The following HECTD4 variants were observed in gnomAD, a reference collection of about 807,000 sequenced individuals.
The protein encoded by HECTD4 is probable E3 ubiquitin-protein ligase HECTD4.
In HECTD4, 114 loss-of-function variants were observed where a neutral mutation model predicts 471.5. The ratio of observed to expected loss-of-function variants is 0.24; its 90% CI spans 0.21 to 0.28. HECTD4 has a LOEUF of 0.28. Among genes scored for constraint, HECTD4 ranks in the 10% least tolerant of loss-of-function variants. The pLI, the probability that HECTD4 is intolerant of heterozygous loss-of-function variation, is 1.00. For missense variants in HECTD4, 3,866 were observed against 5,651.5 expected (o/e 0.68, Z 10.13); for synonymous variants, 2,012 against 2,256.0 (o/e 0.89, Z 3.07).
intron 37 of HECTD4, 109 bp downstream of exon 37, chr12:112,234,968 G>T (rs529118372): frequency 6.7e-6 from 6 of 899,516 alleles, no homozygotes; most frequent in East Asian, 2.7e-5. Flanking sequence ...CCTGAAAGGG[G>T]TGTAAAGAGG....
Position 112,250,372 on chromosome 12 carries a change from T to G in HECTD4, c.3722A>C (p.Gln1241Pro). The change falls in exon 25 of 76, where the codon CAG (glutamine) becomes CCG (proline). Residue 1241 changes from glutamine to proline, a missense_variant. By Grantham distance (76) the Gln-to-Pro change is moderately conservative (BLOSUM62 -1). Transcript: ENST00000682272. ...LLRSKLLQRCQWQVEANGVIS... is the reference protein window; with the variant it reads ...LLRSKLLQRCPWQVEANGVIS... ...CACGCCATTGGCCTCCACCTGCCACTGGCACCTGAGCAGACAGAAAAGAGG... is the reference window on the plus strand; with the variant it reads ...CACGCCATTGGCCTCCACCTGCCACGGGCACCTGAGCAGACAGAAAAGAGG... 6.2e-7 allele frequency: 1 copy of G among 1,612,806 alleles called. No individual in the cohort carries two copies. Among genetic ancestry groups the G allele is most frequent in the Non-Finnish European group, 8.5e-7 (1 of 1,178,818 alleles).
intron 16 of HECTD4, among the ~76,000 whole-genome samples, chr12:112,264,592 A>G (rs1288582908): frequency 6.6e-6 from 1 of 152,208 alleles, no homozygotes; most frequent in Non-Finnish European, 1.5e-5. Context: ...ATGTAAAATT[A>G]AAAATTAATA....
chr12:112,211,887 A>G (rs2032773013), intron 49 of HECTD4, among the ~76,000 whole-genome samples: 1 of 152,194 alleles, frequency 6.6e-6, no homozygotes. Flanking sequence ...TGACATGCCA[A>G]TAAGGCATCT....
rs994247832 is a variant in HECTD4, at chr12:112,213,439, C to T, written c.7466-789G>A. ...CAGTGGCTCAAGCCTGTAATCCCAG[C>T]ACTTTGGGAGGCCGAGGTGGGTGGA... On this transcript the variant is annotated intron_variant, in intron 48 of 75. Coordinates refer to ENST00000682272, the MANE Select transcript of HECTD4 (RefSeq NM_001388303.1). The surrounding 1 kb of genome is among the most constrained non-coding windows in gnomAD (Gnocchi z 4.0). Among the ~76,000 whole-genome samples the T allele has an allele frequency of 4.6e-5, 7 of 151,876 alleles. No homozygotes were observed. The highest frequency in any genetic ancestry group is 6.6e-5 in the Admixed American group (1 of 15,230).
At chr12:112,345,339 C>T (rs574830485) in intron 1 of HECTD4, among the ~76,000 whole-genome samples, 5 of 151,378 alleles carry the variant, frequency 3.3e-5, no homozygotes, top group East Asian at 3.9e-4. Flanking sequence ...GACAATGAAA[C>T]GATATGAAAA....
rs1315231866 is a variant in HECTD4 at position 112,213,922 on chromosome 12, T to G, written c.7466-1272A>C. Among the ~76,000 whole-genome samples the G allele has an allele frequency of 6.6e-6, 1 of 151,430 alleles. No individual in the cohort carries two copies. The highest frequency in any genetic ancestry group is 2.1e-4 in the South Asian group (1 of 4,794). ...CTATGGTCCCAGTTACTCAGGAGGC[T>G]GAGATGGGAGGGTCACTTGAGCTCA... is the stretch of plus-strand genomic sequence containing the variant. On this transcript the variant is annotated intron_variant, in intron 48 of 75. Coordinates refer to ENST00000682272, the MANE Select transcript of HECTD4 (RefSeq NM_001388303.1). This position sits in a 1 kb window ranked among gnomAD's most constrained non-coding sequence, Gnocchi z 4.0.
chr12:112,298,659 G>T (rs1476897401), intron 7 of HECTD4, among the ~76,000 whole-genome samples: 2 of 151,540 alleles, frequency 1.3e-5, no homozygotes, highest in Admixed American at 1.3e-4. Flanking sequence ...AAGCCCGGTG[G>T]ATCACCTGAG....
intron 50 of HECTD4, among the ~76,000 whole-genome samples, chr12:112,209,328 T>G (rs2032690812): frequency 7.4e-6 from 1 of 135,910 alleles, no homozygotes; most frequent in African/African-American, 2.9e-5. Context: ...ATCATAAAAG[T>G]TTTTTTTTTT....
chr12:112,293,138 G>C (rs2034928236), intron 7 of HECTD4, among the ~76,000 whole-genome samples: 1 of 151,862 alleles, frequency 6.6e-6, no homozygotes, highest in Non-Finnish European at 1.5e-5. Context: ...GGCCGAGGCG[G>C]GTGGATCACT....
intron 29 of HECTD4, among the ~76,000 whole-genome samples, chr12:112,244,777 C>T (rs918910001): frequency 6.6e-6 from 1 of 152,098 alleles, no homozygotes; most frequent in Non-Finnish European, 1.5e-5. Flanking sequence ...TTTAATGATA[C>T]CTCTGCTTTG....
In HECTD4 at chr12:112,230,750, T is replaced by C; in HGVS notation, c.6273A>G (p.Leu2091=). The C allele has an allele frequency of 6.2e-7, 1 of 1,611,126 alleles. No individual in the cohort carries two copies. The highest frequency in any genetic ancestry group is 8.5e-7 in the Non-Finnish European group (1 of 1,178,676). Residue 2091 remains leucine, a synonymous_variant, in exon 40 of 76, where the codon CTA becomes CTG. Coordinates refer to ENST00000682272, the MANE Select transcript of HECTD4 (RefSeq NM_001388303.1). ...ATTCAGGTGCCATGAGCAAGCTATG[T>C]AGCAAGGCGATCACTTCTGCAGCCA... ...NSMAAEVIAL[L]HSLLMAPESN...
At chr12:112,246,781 T>G (rs2033772823) in intron 29 of HECTD4, 120 bp downstream of exon 29, 1 of 827,708 alleles carries the variant, frequency 1.2e-6, no homozygotes, top group African/African-American at 1.8e-5. Flanking sequence ...TCCTTTTGTT[T>G]TCCTTTCTCA....
chr12:112,218,047 ACTCAGGAGG>A (rs2032976468), intron 45 of HECTD4, among the ~76,000 whole-genome samples: 1 of 151,752 alleles, frequency 6.6e-6, no homozygotes, highest in South Asian at 2.1e-4. Flanking sequence ...AATCCCAGCT[ACTCAGGAGG>A]CTGAGGTAGG....
At chr12:112,208,676 AG>A in intron 50 of HECTD4, 46 bp from the exon 51 acceptor site, 1 of 1,494,396 alleles carries the variant, frequency 6.7e-7, no homozygotes, top group East Asian at 2.4e-5. Context: ...AGAGCAGGCT[AG>A]AAAAATCCTT....
chr12:112,295,478 A>AG, intron 7 of HECTD4, among the ~76,000 whole-genome samples: 1 of 149,186 alleles, frequency 6.7e-6, no homozygotes, highest in Admixed American at 6.7e-5. Flanking sequence ...TGATCCTTCT[A>AG]CCTCAGCAAC....
At position 112,167,544 on chromosome 12, in the gene HECTD4, A is replaced by G; in HGVS notation, c.12313-6T>C. On this transcript the variant is annotated splice_region_variant and splice_polypyrimidine_tract_variant and intron_variant, in intron 71 of 75. Transcript: ENST00000682272. The stretch of plus-strand genomic sequence containing the variant: ...GGGGTCAGGATATACTTGCCCTGGA[A>G]GTGGAGGTGGGCATGAGGTGACCTG... 1 of 1,568,118 alleles carries G rather than the reference A, an allele frequency of 6.4e-7. No individual in the cohort carries two copies. The highest frequency in any genetic ancestry group is 8.7e-7 in the Non-Finnish European group (1 of 1,154,442).
chr12:112,236,679 G>C (rs1191100693), intron 35 of HECTD4, among the ~76,000 whole-genome samples: 1 of 152,276 alleles, frequency 6.6e-6, no homozygotes, highest in East Asian at 1.9e-4. Context: ...CTATGGGAAA[G>C]GTTAGCAGCT....
chr12:112,313,992 T>C (rs2035424071), intron 3 of HECTD4, among the ~76,000 whole-genome samples: 1 of 152,166 alleles, frequency 6.6e-6, no homozygotes, highest in African/African-American at 2.4e-5. Context: ...TCATTATACC[T>C]TAATATATTA....
At chr12:112,325,957 C>T (rs1211132411) in intron 1 of HECTD4, among the ~76,000 whole-genome samples, 2 of 151,950 alleles carry the variant, frequency 1.3e-5, no homozygotes, top group Non-Finnish European at 2.9e-5. Flanking sequence ...CCACCACACT[C>T]GGCTAATTTT....
Sources: gnomAD v4.1 joint callset for allele counts (sites outside exome capture counted in the v4.1 genomes callset) on GRCh38, gnomAD v4.1.1 for gene constraint, Gnocchi (gnomAD v3.1) non-coding constraint, MANE v1.5 for transcripts, NCBI Gene and HGNC (gene_info 2026-07-23, HGNC 2026-07-21) for gene names.